The following SSBP2 variants were observed in gnomAD, a reference collection of about 807,000 sequenced individuals.
SSBP2 encodes the protein single-stranded DNA-binding protein 2.
A neutral mutation model predicts 61.8 loss-of-function variants in SSBP2; 17 were observed. The ratio of observed to expected loss-of-function variants is 0.28; its 90% CI spans 0.19 to 0.41. The LOEUF (loss-of-function observed/expected upper bound fraction) is 0.41, where lower values mean the gene tolerates loss of function less well. Ranked by LOEUF, SSBP2 falls within the 10% of genes least tolerant of loss-of-function variation. The pLI is 1.00. For synonymous variants in SSBP2, 139 were observed against 141.3 expected, an observed-to-expected ratio of 0.98 and a Z score of 0.12; for missense variants, 310 against 458.7, an observed-to-expected ratio of 0.68 and a Z score of 2.96.
chr5:81,448,090 A>C (rs1763519079), intron 11 of SSBP2: 1 of 151,920 alleles, frequency 6.6e-6, no homozygotes, highest in South Asian at 2.1e-4. Flanking sequence ...CCTTGTTACC[A>C]TTTTATCCTT....
chr5:81,583,731 A>T (rs551564546), intron 4 of SSBP2, among the ~76,000 whole-genome samples: 13 of 152,156 alleles, frequency 8.5e-5, no homozygotes, highest in African/African-American at 3.1e-4. Flanking sequence ...ATTTTAGATC[A>T]TTGGTGACAT....
chr5:81,669,928 T>C (rs1456094683), intron 1 of SSBP2, among the ~76,000 whole-genome samples: 1 of 152,014 alleles, frequency 6.6e-6, no homozygotes, highest in Non-Finnish European at 1.5e-5. Flanking sequence ...CTACATACTG[T>C]ATGATTCCAA....
chr5:81,697,539 A>G (rs1015372386), intron 1 of SSBP2, among the ~76,000 whole-genome samples: 4 of 152,250 alleles, frequency 2.6e-5, no homozygotes, highest in Non-Finnish European at 5.9e-5. Flanking sequence ...GATTAGCATC[A>G]ACAAAAATAA....
At chr5:81,445,174 ATATG>A (rs754473036) in intron 12 of SSBP2, among the ~76,000 whole-genome samples, 2,596 of 84,686 alleles carry the variant, frequency 0.031, 371 homozygotes, top group African/African-American at 0.043. Flanking sequence ...ATATATATAT[ATATG>A]TATGTATTTA....
rs533691023 is a variant in SSBP2 at position 81,452,468 on chromosome 5, G to A, written c.688-3643C>T. On this transcript the variant is annotated intron_variant, in intron 10 of 16. Coordinates refer to ENST00000320672, the MANE Select transcript of SSBP2 (RefSeq NM_012446.5). ...GAGAAATAAGTCTAGAGGCATCATG[G>A]AATATGAATACAAGTTAGAAGACCA... Among the ~76,000 whole-genome samples the A allele has an allele frequency of 3.9e-5, 6 of 152,184 alleles. No homozygotes were observed. The South Asian group carries it at 1.2e-3, about 32-fold the overall frequency.
chr5:81,552,169 T>A (rs1055242994), intron 4 of SSBP2, among the ~76,000 whole-genome samples: 1 of 152,166 alleles, frequency 6.6e-6, no homozygotes, highest in Non-Finnish European at 1.5e-5. Context: ...TATAGAGAGA[T>A]AAATAAGCAA....
chr5:81,566,541 C>T (rs1773438213), intron 4 of SSBP2, among the ~76,000 whole-genome samples: 1 of 152,200 alleles, frequency 6.6e-6, no homozygotes, highest in Non-Finnish European at 1.5e-5. Flanking sequence ...AATTAACCCT[C>T]TTTCTCTTGT....
chr5:81,683,498 A>C (rs1752552544), intron 1 of SSBP2, among the ~76,000 whole-genome samples: 1 of 152,240 alleles, frequency 6.6e-6, no homozygotes, highest in Non-Finnish European at 1.5e-5. Context: ...TGGATCATAT[A>C]CCTAAATGAA....
chr5:81,561,169 C>T (rs1444193875), intron 4 of SSBP2, among the ~76,000 whole-genome samples: 1 of 152,156 alleles, frequency 6.6e-6, no homozygotes, highest in African/African-American at 2.4e-5. Flanking sequence ...ATAAATCCTT[C>T]CCCAAGAATG....
At chr5:81,552,256 G>T (rs140765298) in intron 4 of SSBP2, among the ~76,000 whole-genome samples, 1 of 152,254 alleles carries the variant, frequency 6.6e-6, no homozygotes, top group East Asian at 1.9e-4. Context: ...TATGTATTTA[G>T]AATAAATATC....
At chr5:81,642,718 T>C (rs138313291) in intron 2 of SSBP2, among the ~76,000 whole-genome samples, 1 of 152,210 alleles carries the variant, frequency 6.6e-6, no homozygotes, top group Middle Eastern at 3.2e-3. Context: ...AACTATATCA[T>C]GGCACATTTC....
intron 3 of SSBP2, among the ~76,000 whole-genome samples, chr5:81,635,580 ATT>A (rs35464950): frequency 0.18 from 23,172 of 130,332 alleles, 1,514 homozygotes; most frequent in Non-Finnish European, 0.22. Context: ...GTAGAAAGCA[ATT>A]TTTTTTTTTT....
chr5:81,503,441 G>A (rs981874080), intron 5 of SSBP2, among the ~76,000 whole-genome samples: 2 of 152,086 alleles, frequency 1.3e-5, no homozygotes, highest in Non-Finnish European at 2.9e-5. Context: ...GTGACAGAGC[G>A]AGACTCCATC....
At chr5:81,544,435 C>T (rs1771572524) in intron 4 of SSBP2, among the ~76,000 whole-genome samples, 1 of 152,178 alleles carries the variant, frequency 6.6e-6, no homozygotes, top group Non-Finnish European at 1.5e-5. Context: ...TAACTGGGCA[C>T]CCTGTAATGT....
chr5:81,418,488 GAAGT>G lies in SSBP2; in HGVS notation c.*2012_*2015del. On this transcript the variant is annotated 3_prime_UTR_variant, in exon 17 of 17. Coordinates refer to ENST00000320672, the MANE Select transcript of SSBP2 (RefSeq NM_012446.5). ...GGACTAAATCATTATGAATTTGAGAGAAGTAAGTCATCAGGAACTAGTACATACA... is the reference window on the plus strand; with the variant it reads ...GGACTAAATCATTATGAATTTGAGAGAAGTCATCAGGAACTAGTACATACA... 6.6e-6 allele frequency: 1 copy of G among 152,264 alleles called. No homozygotes were observed. The highest frequency in any genetic ancestry group is 1.5e-5 in the Non-Finnish European group (1 of 68,024). The allele number at this position is 152,264 out of a possible 1,614,324, so 9.4% of individuals were successfully genotyped here.
At chr5:81,626,468 C>G (rs530745547) in intron 3 of SSBP2, among the ~76,000 whole-genome samples, 1 of 152,268 alleles carries the variant, frequency 6.6e-6, no homozygotes, top group South Asian at 2.1e-4. Context: ...TTAATTATTA[C>G]GTTATTTTGT....
Position 81,428,613 on chromosome 5 carries a change from T to C in SSBP2, c.1028A>G (p.Asn343Ser), listed in dbSNP as rs765804037. Residue 343 changes from asparagine (N) to serine (S), a missense_variant, in exon 16 of 17, where the codon AAT (asparagine) becomes AGT (serine). This residue lies in a region of SSBP2 where 44 missense variants were observed against 86.2 expected (regional missense o/e 0.51). Coordinates refer to ENST00000320672, the MANE Select transcript of SSBP2 (RefSeq NM_012446.5). ...CTCACTCTGAAAAGGATTTAAGAAA[T>C]TTCCCCCCATTTCGCCATCATCCCT... 1.2e-6 allele frequency: 2 copies of C among 1,613,122 alleles called. No individual in the cohort carries two copies. The highest frequency in any genetic ancestry group is 1.7e-6 in the Non-Finnish European group (2 of 1,179,398).
intron 1 of SSBP2, among the ~76,000 whole-genome samples, chr5:81,722,005 A>C (rs564320190): frequency 6.6e-6 from 1 of 152,130 alleles, no homozygotes; most frequent in East Asian, 1.9e-4. Flanking sequence ...AAACAAAAAA[A>C]AATCTTTCCT....
chr5:81,567,121 G>T (rs758167327), intron 4 of SSBP2, among the ~76,000 whole-genome samples: 1 of 152,190 alleles, frequency 6.6e-6, no homozygotes, highest in African/African-American at 2.4e-5. Context: ...AAGTAACAAG[G>T]AGCCAAATGT....
Sources: allele counts gnomAD v4.1 joint callset (sites outside exome capture counted in the v4.1 genomes callset), GRCh38; gene constraint gnomAD v4.1.1; regional missense constraint gnomAD v4.1.1; transcripts MANE v1.5; gene names NCBI Gene and HGNC (gene_info 2026-07-23, HGNC 2026-07-21).